The following USB1 variants were observed in gnomAD, a reference collection of about 807,000 sequenced individuals.
USB1 encodes the protein U6 snRNA biogenesis phosphodiesterase 1, also known as U6 snRNA phosphodiesterase 1.
A neutral mutation model predicts 29.9 loss-of-function variants in USB1; 21 were observed. That is an observed-to-expected ratio of 0.70 (90% CI 0.50 to 1.01). The LOEUF is 1.01. USB1 is among the 50% of genes least tolerant of loss of function. The probability of loss-of-function intolerance (pLI) is 0.00; values close to 1 mark genes in which losing one functional copy is unlikely to be tolerated. For synonymous variants in USB1, 143 were observed against 134.9 expected, an observed-to-expected ratio of 1.06 and a Z score of -0.42; for missense variants, 330 against 347.1, an observed-to-expected ratio of 0.95 and a Z score of 0.39.
Position 58,013,550 on chromosome 16 carries a change from G to A in USB1, c.450-723G>A, listed in dbSNP as rs1963545376. 2 of 955,890 alleles carry A rather than the reference G, an allele frequency of 2.1e-6. No individual in the cohort carries two copies. Among genetic ancestry groups the A allele is most frequent in the South Asian group, 4.9e-5 (1 of 20,224 alleles). 59.2% of individuals were successfully genotyped at this position (955,890 alleles called of 1,614,324 possible). A position where few individuals can be genotyped will look rare whatever the true frequency, so the allele number is the denominator to read the frequency against. ...AGAATAAAGGACAGAACCAGTCCAA[G>A]TCAAAGCACTTACCTAGCTGAGCCT... On this transcript the variant is annotated intron_variant, in intron 3 of 6. Coordinates refer to ENST00000219281, the MANE Select transcript of USB1 (RefSeq NM_024598.4). The surrounding 1 kb of genome is among the most constrained non-coding windows in gnomAD (Gnocchi z 4.3).
intron 5 of USB1, 27 bp downstream of exon 5, chr16:58,017,466 A>G (rs1275172539): frequency 6.3e-6 from 10 of 1,584,430 alleles, no homozygotes; most frequent in African/African-American, 2.7e-5. Flanking sequence ...CTGCTTCTCC[A>G]TTGACCCATT....
At chr16:58,012,317 A>C in intron 3 of USB1, 1 of 1,535,454 alleles carries the variant, frequency 6.5e-7, no homozygotes, top group Non-Finnish European at 8.7e-7. Flanking sequence ...TCTCTTAACC[A>C]CAGGTGCCAG....
At chr16:58,000,621 G>T (rs575238163), upstream of USB1, among the ~76,000 whole-genome samples, 1,559 of 149,678 alleles carry the variant, frequency 0.01, 14 homozygotes, top group Admixed American at 0.022. The surrounding 1 kb of genome is among the most constrained non-coding windows in gnomAD (Gnocchi z 4.5). Flanking sequence ...GGGCCGGGGC[G>T]AGGAGCGCCG....
chr16:58,019,128 G>A, intron 6 of USB1, 73 bp downstream of exon 6: 1 of 1,492,666 alleles, frequency 6.7e-7, no homozygotes, highest in Non-Finnish European at 9.2e-7. Flanking sequence ...GAGAGGGGGA[G>A]GATGAGGCAC....
At chr16:58,000,070 C>T (rs900620153), upstream of USB1, among the ~76,000 whole-genome samples, 1 of 152,188 alleles carries the variant, frequency 6.6e-6, no homozygotes, top group Non-Finnish European at 1.5e-5. This position sits in a 1 kb window ranked among gnomAD's most constrained non-coding sequence, Gnocchi z 4.5. Context: ...TTCTTCCTCC[C>T]TGAGAAACCG....
At chr16:58,010,343 T>A (rs374117194) in intron 3 of USB1, among the ~76,000 whole-genome samples, 8 of 152,336 alleles carry the variant, frequency 5.3e-5, no homozygotes, top group Middle Eastern at 3.4e-3. Flanking sequence ...CAGCTGTTTT[T>A]CTGTAAGCTC....
At position 58,013,925 on chromosome 16, in the gene USB1, C is replaced by A. The variant is rs1963555014; in HGVS notation, c.450-348C>A. The A allele has an allele frequency of 1.2e-5, 3 of 250,880 alleles. No individual in the cohort carries two copies. Among genetic ancestry groups the A allele is most frequent in the Non-Finnish European group, 2.3e-5 (3 of 128,324 alleles). The allele number at this position is 250,880 out of a possible 1,614,324, so 15.5% of individuals were successfully genotyped here. A position where few individuals can be genotyped will look rare whatever the true frequency, so the allele number is the denominator to read the frequency against. ...TTTTAAAAAACTGCAAGAAATGAATCAGCTGTTAAGTGGTCCATTATCACC... is the reference window on the plus strand; with the variant it reads ...TTTTAAAAAACTGCAAGAAATGAATAAGCTGTTAAGTGGTCCATTATCACC... On this transcript the variant is annotated intron_variant, in intron 3 of 6. Transcript: ENST00000219281. This position sits in a 1 kb window ranked among gnomAD's most constrained non-coding sequence, Gnocchi z 4.3.
Position 58,010,076 on chromosome 16 carries a change from T to G in USB1, c.413T>G (p.Val138Gly). 6.2e-7 allele frequency: 1 copy of G among 1,614,130 alleles called. No homozygotes were observed. Among genetic ancestry groups the G allele is most frequent in the Non-Finnish European group, 8.5e-7 (1 of 1,180,028 alleles). ...VLRHHWILPF[V>G]QALKARMTSF... is the part of the protein sequence containing the mutation. ...CGCCACCACTGGATCCTCCCCTTCG[T>G]GCAGGCTCTGAAAGCCCGTATGACC... Residue 138 changes from valine to glycine, a missense_variant, in exon 3 of 7, where the codon GTG becomes GGG. Val to Gly is a moderately radical substitution (Grantham distance 109). Transcript: ENST00000219281.
At chr16:58,001,981 G>A (rs1245530510) in intron 1 of USB1, among the ~76,000 whole-genome samples, 1 of 152,244 alleles carries the variant, frequency 6.6e-6, no homozygotes, top group Non-Finnish European at 1.5e-5. Flanking sequence ...CTCCCTGCCA[G>A]GCTGGGGTCT....
chr16:58,020,738 T>TCTCTCTCTTCTTCTC lies in USB1; in HGVS notation c.*503_*504insTTCTCCTCTCTCTTC. On this transcript the variant is annotated 3_prime_UTR_variant, in exon 7 of 7. Coordinates refer to ENST00000219281, the MANE Select transcript of USB1 (RefSeq NM_024598.4). ...TCCCCTCCTCTATCTCTTCCTCTCC[T>TCTCTCTCTTCTTCTC]CTCTCTCTTCCTCTCCTCTCTCTCT... 5.3e-6 allele frequency: 1 copy of TCTCTCTCTTCTTCTC among 189,366 alleles called. No individual in the cohort carries two copies. Among genetic ancestry groups the TCTCTCTCTTCTTCTC allele is most frequent in the East Asian group, 1.3e-4 (1 of 7,608 alleles). 11.7% of individuals were successfully genotyped at this position (189,366 alleles called of 1,614,324 possible).
rs1331813584 is a variant in USB1, at chr16:58,021,476, A to G, written c.*1231A>G. On this transcript the variant is annotated 3_prime_UTR_variant, in exon 7 of 7. Transcript: ENST00000219281. ...AAGGGCCAGGGATGCATGGGATTTT[A>G]ATTGTTTCATCACACCTTCCCCGTG... 1 of 152,224 alleles carries G rather than the reference A, an allele frequency of 6.6e-6. No individual in the cohort carries two copies. The highest frequency in any genetic ancestry group is 1.5e-5 in the Non-Finnish European group (1 of 68,028). The allele number at this position is 152,224 out of a possible 1,614,324, so 9.4% of individuals were successfully genotyped here.
At position 58,014,338 on chromosome 16, in the gene USB1, C is replaced by G; in HGVS notation, c.503+12C>G. On this transcript the variant is annotated intron_variant, in intron 4 of 6. Transcript: ENST00000219281. ...CAAGAGAAAACCAGGTGGGTCCTCC[C>G]AACCCCCAATCACCATCAGAGGAAG... 1 of 1,609,796 alleles carries G rather than the reference C, an allele frequency of 6.2e-7. No homozygotes were observed. The highest frequency in any genetic ancestry group is 1.1e-5 in the South Asian group (1 of 90,968).
chr16:58,017,975 G>A (rs1963657190), intron 5 of USB1, among the ~76,000 whole-genome samples: 1 of 152,288 alleles, frequency 6.6e-6, no homozygotes, highest in African/African-American at 2.4e-5. Flanking sequence ...TGGGGATTTT[G>A]TTCATGTCAT....
At chr16:58,002,718 C>T in intron 2 of USB1, 73 bp downstream of exon 2, 1 of 1,598,266 alleles carries the variant, frequency 6.3e-7, no homozygotes, top group Non-Finnish European at 8.5e-7. Flanking sequence ...CAGAATCTGG[C>T]CCCAACTAGA....
chr16:58,012,058 C>T, intron 3 of USB1: 22 of 1,299,618 alleles, frequency 1.7e-5, no homozygotes, highest in Non-Finnish European at 2.0e-5. Flanking sequence ...AATAAACAGT[C>T]TTCTAGCCAA....
intron 3 of USB1, chr16:58,010,944 CCCA>C: frequency 1.4e-6 from 1 of 699,328 alleles, no homozygotes. Context: ...TAGCTTCCCT[CCCA>C]TACCGGGAGG....
chr16:58,020,074 T>C (rs914033441), intron 6 of USB1, 67 bp from the exon 7 acceptor site: 21 of 1,534,142 alleles, frequency 1.4e-5, no homozygotes, highest in Non-Finnish European at 1.4e-5. Context: ...GCTGGTTTTG[T>C]TTGCAGTGCC....
rs117199922 is a variant in USB1, at chr16:58,004,330, A to G, written c.265+1685A>G. ...ATTTGTTCACCAATACCATTGGTGA[A>G]CTGTTTTGATTGCTGTAACTTTACA... On this transcript the variant is annotated intron_variant, in intron 2 of 6. Transcript: ENST00000219281. 9.2e-3 allele frequency among the ~76,000 whole-genome samples: 1,405 copies of G among 152,202 alleles called. 9 individuals carry two copies. The highest frequency in any genetic ancestry group is 0.017 in the Middle Eastern group (5 of 294).
chr16:58,005,210 G>T (rs551947397), intron 2 of USB1, among the ~76,000 whole-genome samples: 1 of 152,322 alleles, frequency 6.6e-6, no homozygotes, highest in South Asian at 2.1e-4. Context: ...ACAGGGAGAT[G>T]GTTAGGCCTC....
Sources: allele counts gnomAD v4.1 joint callset (sites outside exome capture counted in the v4.1 genomes callset), GRCh38; gene constraint gnomAD v4.1.1; non-coding constraint Gnocchi (gnomAD v3.1); transcripts MANE v1.5; gene names NCBI Gene and HGNC (gene_info 2026-07-23, HGNC 2026-07-21).